GPC6: variants seen among roughly 807,000 people sequenced by gnomAD.
GPC6 encodes the protein glypican 6.
GPC6 carries 14 observed loss-of-function variants against 55.2 expected under a neutral mutation model. The observed-to-expected ratio is 0.25, with a 90% CI of 0.17 to 0.40. The LOEUF is 0.40. Ranked by LOEUF, GPC6 falls within the 10% of genes least tolerant of loss-of-function variation. GPC6 has a pLI of 1.00. For missense variants in GPC6, 641 were observed against 708.5 expected (o/e 0.90, Z 1.08); for synonymous variants, 278 against 259.6 (o/e 1.07, Z -0.68).
intron 6 of GPC6, among the ~76,000 whole-genome samples, chr13:94,324,509 G>T (rs1289683574): frequency 1.3e-5 from 2 of 152,106 alleles, no homozygotes; most frequent in Admixed American, 6.5e-5. Flanking sequence ...AGCGCTTCGA[G>T]AGTAGGTTTG....
intron 1 of GPC6, among the ~76,000 whole-genome samples, chr13:93,523,997 T>C (rs1252925544): frequency 1.3e-5 from 2 of 151,894 alleles, no homozygotes; most frequent in Non-Finnish European, 2.9e-5. Context: ...ATCCTCACAT[T>C]AGATTTCAGT....
chr13:94,360,171 T>G lies in GPC6; in HGVS notation c.1153-22243T>G, dbSNP rs138159067. 2.5e-4 allele frequency among the ~76,000 whole-genome samples: 38 copies of G among 152,354 alleles called. 1 individual carries two copies. Among genetic ancestry groups the G allele is most frequent in the Admixed American group, 2.2e-3 (33 of 15,300 alleles). On this transcript the variant is annotated intron_variant, in intron 6 of 8. Transcript: ENST00000377047. The stretch of plus-strand genomic sequence containing the variant: ...CCAGAAGGGGAACTCTTTTTCCATT[T>G]TAAAGCCAGGAGGAGTTTTTAGGAC...
intron 1 of GPC6, among the ~76,000 whole-genome samples, chr13:93,295,290 C>CAAAAAAAAAAAAAAAAAAA (rs67379652): frequency 1.9e-4 from 13 of 66,686 alleles, no homozygotes; most frequent in African/African-American, 9.2e-4. Flanking sequence ...GACCCTGTCT[C>CAAAAAAAAAAAAAAAAAAA]AAAAAAAAAA....
chr13:94,221,377 A>G (rs954223249), intron 4 of GPC6, among the ~76,000 whole-genome samples: 1 of 152,122 alleles, frequency 6.6e-6, no homozygotes, highest in African/African-American at 2.4e-5. Flanking sequence ...AAACTGCCCT[A>G]ACTAAAATTA....
intron 4 of GPC6, among the ~76,000 whole-genome samples, chr13:94,076,707 GT>G (rs1884926441): frequency 6.6e-6 from 1 of 151,846 alleles, no homozygotes; most frequent in Non-Finnish European, 1.5e-5. Context: ...TGAATGTCCA[GT>G]TTTCCCAACA....
chr13:93,343,441 A>G (rs1880329360), intron 1 of GPC6, among the ~76,000 whole-genome samples: 1 of 152,164 alleles, frequency 6.6e-6, no homozygotes, highest in Non-Finnish European at 1.5e-5. Context: ...ATGGTACCCC[A>G]GATACTCACC....
At chr13:94,059,452 C>A (rs1005662948) in intron 4 of GPC6, among the ~76,000 whole-genome samples, 1 of 152,006 alleles carries the variant, frequency 6.6e-6, no homozygotes, top group African/African-American at 2.4e-5. Context: ...CTACTTGTAA[C>A]ACCCACAGCC....
At chr13:94,015,440 T>C (rs1882423630) in intron 3 of GPC6, among the ~76,000 whole-genome samples, 1 of 152,190 alleles carries the variant, frequency 6.6e-6, no homozygotes. Flanking sequence ...AGATATATGA[T>C]TTACAAATAT....
At chr13:94,036,322 A>AT (rs1456594015) in intron 4 of GPC6, among the ~76,000 whole-genome samples, 4 of 151,984 alleles carry the variant, frequency 2.6e-5, no homozygotes, top group African/African-American at 4.8e-5. Flanking sequence ...TATGTCCTCG[A>AT]TTTTTTTCTT....
At chr13:93,876,401 C>T (rs1889298049) in intron 3 of GPC6, among the ~76,000 whole-genome samples, 1 of 151,952 alleles carries the variant, frequency 6.6e-6, no homozygotes, top group African/African-American at 2.4e-5. Context: ...AGATAAGAGC[C>T]TACTAAATAA....
At chr13:94,386,824 C>T (rs1385773343) in intron 7 of GPC6, among the ~76,000 whole-genome samples, 2 of 152,200 alleles carry the variant, frequency 1.3e-5, no homozygotes, top group East Asian at 1.9e-4. Context: ...CTCCTGCAGC[C>T]TTTTGTCCTA....
chr13:93,942,373 G>A (rs1014914856), intron 3 of GPC6, among the ~76,000 whole-genome samples: 9 of 152,160 alleles, frequency 5.9e-5, no homozygotes. Context: ...AGGCTGGAGT[G>A]TAGTGGTACA....
chr13:93,627,793 G>A lies in GPC6; in HGVS notation c.319+82372G>A, dbSNP rs116071161. ...TTTTTATCGTGAAATCCCACTTAGCGTGGTGTCTTTTGTTTTATTTTGTTT... is the reference window on the plus strand; with the variant it reads ...TTTTTATCGTGAAATCCCACTTAGCATGGTGTCTTTTGTTTTATTTTGTTT... On this transcript the variant is annotated intron_variant, in intron 2 of 8. Transcript: ENST00000377047. 9.5e-4 allele frequency among the ~76,000 whole-genome samples: 145 copies of A among 152,236 alleles called. 1 individual carries two copies. The highest frequency in any genetic ancestry group is 3.2e-3 in the African/African-American group (131 of 41,536).
intron 2 of GPC6, among the ~76,000 whole-genome samples, chr13:93,614,957 A>G (rs1291001812): frequency 6.6e-6 from 1 of 151,946 alleles, no homozygotes; most frequent in Non-Finnish European, 1.5e-5. Context: ...ATTACTTACT[A>G]TGTACAATTT....
At chr13:93,449,878 G>C (rs763027431) in intron 1 of GPC6, among the ~76,000 whole-genome samples, 1 of 150,612 alleles carries the variant, frequency 6.6e-6, no homozygotes, top group African/African-American at 2.4e-5. Flanking sequence ...TTTCCAAAAA[G>C]AACTTCCCTG....
chr13:94,363,022 C>T (rs1358396097), intron 6 of GPC6, among the ~76,000 whole-genome samples: 1 of 152,102 alleles, frequency 6.6e-6, no homozygotes, highest in African/African-American at 2.4e-5. Context: ...CGTATTTGTC[C>T]TAATGCTCTC....
rs370805238 is a variant in GPC6, at chr13:93,510,839, C to T, written c.161-34424C>T. On this transcript the variant is annotated intron_variant, in intron 1 of 8. Transcript: ENST00000377047. ...TCTTTCTAAGACTAGCTATTCTGAC[C>T]GGGGTAAGATGATATCTCATTGTGG... Among the ~76,000 whole-genome samples, 44 of 148,636 alleles carry T rather than the reference C, an allele frequency of 3.0e-4. No individual in the cohort carries two copies. In the Middle Eastern group the frequency reaches 0.011, roughly 36 times the overall value.
intron 1 of GPC6, among the ~76,000 whole-genome samples, chr13:93,509,873 T>A (rs1393747124): frequency 3.3e-5 from 5 of 152,252 alleles, no homozygotes; most frequent in Non-Finnish European, 7.3e-5. Context: ...GCATAATAGT[T>A]AGGACAGCTC....
intron 2 of GPC6, among the ~76,000 whole-genome samples, chr13:93,705,525 A>G (rs1882819318): frequency 6.6e-6 from 1 of 151,924 alleles, no homozygotes; most frequent in East Asian, 1.9e-4. Flanking sequence ...CTTGAGAAGC[A>G]CTAGTTCTCA....
Sources: allele counts gnomAD v4.1 joint callset (sites outside exome capture counted in the v4.1 genomes callset), GRCh38; gene constraint gnomAD v4.1.1; transcripts MANE v1.5; gene names NCBI Gene and HGNC (gene_info 2026-07-23, HGNC 2026-07-21).